The following ZBTB17 variants were observed in gnomAD, a reference collection of about 807,000 sequenced individuals.
The protein encoded by ZBTB17 is zinc finger and BTB domain containing 17.
A neutral mutation model predicts 85.1 loss-of-function variants in ZBTB17; 24 were observed. The observed-to-expected ratio is 0.28, with a 90% confidence interval of 0.20 to 0.40. The LOEUF is 0.40. Ranked by LOEUF, ZBTB17 falls within the 10% of genes least tolerant of loss-of-function variation. The pLI, the probability that ZBTB17 is intolerant of heterozygous loss-of-function variation, is 1.00. For synonymous variants in ZBTB17, 464 were observed against 460.2 expected, an observed-to-expected ratio of 1.01 and a Z score of -0.11; for missense variants, 743 against 1,105.1, an observed-to-expected ratio of 0.67 and a Z score of 4.65.
Position 15,945,036 on chromosome 1 carries a change from C to T in ZBTB17, c.828G>A (p.Ser276=). The change falls in exon 7 of 16, where the codon TCG becomes TCA. Residue 276 remains serine, a synonymous_variant. Coordinates refer to ENST00000375743, the MANE Select transcript of ZBTB17 (RefSeq NM_003443.3). ...NENEESAGTD[S]GQELGSEARG... is the part of the protein sequence containing the mutation. Reference sequence around the variant, plus strand: ...GGGCCTCGGAGCCGAGCTCCTGCCCCGAGTCTGTGCCCGCTGACTCCTCAT... The same window carrying T: ...GGGCCTCGGAGCCGAGCTCCTGCCCTGAGTCTGTGCCCGCTGACTCCTCAT... 3 of 1,608,438 alleles carry T rather than the reference C, an allele frequency of 1.9e-6. No individual in the cohort carries two copies. The highest frequency in any genetic ancestry group is 1.1e-5 in the South Asian group (1 of 89,788).
In ZBTB17 at chr1:15,964,972, G is replaced by A. The variant is rs1160820073; in HGVS notation, c.-3+8067C>T. ...ACTAAAAATAAAAAAAAATTAGCCA[G>A]GCGTGGTGGCACGCATCTGTAATCC... On this transcript the variant is annotated intron_variant, in intron 2 of 15. Transcript: ENST00000375743. This position sits in a 1 kb window ranked among gnomAD's most constrained non-coding sequence, Gnocchi z 4.3. 1.3e-5 allele frequency among the ~76,000 whole-genome samples: 2 copies of A among 151,924 alleles called. No individual in the cohort carries two copies. The highest frequency in any genetic ancestry group is 2.9e-5 in the Non-Finnish European group (2 of 67,960).
rs139177504 is a variant in ZBTB17 at position 15,952,450 on chromosome 1, C to G, written c.-2-3953G>C. Among the ~76,000 whole-genome samples the G allele has an allele frequency of 1.3e-5, 2 of 152,346 alleles. No homozygotes were observed. The highest frequency in any genetic ancestry group is 1.3e-4 in the Admixed American group (2 of 15,302). ...ACGCGGCAGAACCGACACGGCGGAA[C>G]GGACGCGGATGATGCAGAGCCCCTC... On this transcript the variant is annotated intron_variant, in intron 2 of 15. Coordinates refer to ENST00000375743, the MANE Select transcript of ZBTB17 (RefSeq NM_003443.3). The surrounding 1 kb of genome is among the most constrained non-coding windows in gnomAD (Gnocchi z 4.3).
At chr1:15,961,607 C>A (rs893249581) in intron 2 of ZBTB17, among the ~76,000 whole-genome samples, 3 of 152,238 alleles carry the variant, frequency 2.0e-5, no homozygotes, top group Non-Finnish European at 2.9e-5. Flanking sequence ...TTAGGAGAGG[C>A]TCAGGGGCCC....
rs115745460 is a variant in ZBTB17 at position 15,951,153 on chromosome 1, G to A, written c.-2-2656C>T. 2.0e-4 allele frequency among the ~76,000 whole-genome samples: 30 copies of A among 152,314 alleles called. No individual in the cohort carries two copies. Among genetic ancestry groups the A allele is most frequent in the African/African-American group, 7.0e-4 (29 of 41,562 alleles). ...CCAGAAGTGGGCTCCTCCCACACAC[G>A]GGTGTTAGGAGGAGAAACAGAGGCG... On this transcript the variant is annotated intron_variant, in intron 2 of 15. Transcript: ENST00000375743. This position sits in a 1 kb window ranked among gnomAD's most constrained non-coding sequence, Gnocchi z 4.1.
intron 2 of ZBTB17, among the ~76,000 whole-genome samples, chr1:15,956,233 C>CA (rs1328890103): frequency 6.6e-6 from 1 of 152,232 alleles, no homozygotes; most frequent in Non-Finnish European, 1.5e-5. Context: ...TTAAATGACA[C>CA]AGTGTGTCAC....
At position 15,966,066 on chromosome 1, in the gene ZBTB17, A is replaced by G. The variant is rs545841326; in HGVS notation, c.-3+6973T>C. ...ATGGAGTCAACATTTAACAAAAACG[A>G]TTTACAAAATTAAACAAGTTCTTTC... On this transcript the variant is annotated intron_variant, in intron 2 of 15. Transcript: ENST00000375743. This position sits in a 1 kb window ranked among gnomAD's most constrained non-coding sequence, Gnocchi z 4.1. Among the ~76,000 whole-genome samples, 2 of 152,334 alleles carry G rather than the reference A, an allele frequency of 1.3e-5. No homozygotes were observed. Among genetic ancestry groups the G allele is most frequent in the African/African-American group, 4.8e-5 (2 of 41,576 alleles).
intron 13 of ZBTB17, 94 bp from the exon 14 acceptor site, chr1:15,942,832 C>G: frequency 2.7e-6 from 4 of 1,474,122 alleles, no homozygotes; most frequent in Non-Finnish European, 3.7e-6. Flanking sequence ...GCAACCCTGT[C>G]TTTTACAGCA....
chr1:15,974,585 TC>T (rs2072793166), intron 1 of ZBTB17, among the ~76,000 whole-genome samples: 1 of 151,978 alleles, frequency 6.6e-6, no homozygotes, highest in East Asian at 1.9e-4. Context: ...TTTTTTTTTT[TC>T]TTTTTTGAGA....
At position 15,953,067 on chromosome 1, in the gene ZBTB17, T is replaced by C. The variant is rs1570147506; in HGVS notation, c.-2-4570A>G. On this transcript the variant is annotated intron_variant, in intron 2 of 15. Coordinates refer to ENST00000375743, the MANE Select transcript of ZBTB17 (RefSeq NM_003443.3). This position sits in a 1 kb window ranked among gnomAD's most constrained non-coding sequence, Gnocchi z 5.1. ...GAGGGTAAGCAGGGGACTTCTGAGA[T>C]CCTAGAAGAGTTCTCTTTCTTTACT... The C allele has an allele frequency of 6.6e-6, 1 of 152,190 alleles. No homozygotes were observed. Among genetic ancestry groups the C allele is most frequent in the East Asian group, 1.9e-4 (1 of 5,200 alleles). 9.4% of individuals were successfully genotyped at this position (152,190 alleles called of 1,614,324 possible).
intron 2 of ZBTB17, among the ~76,000 whole-genome samples, chr1:15,968,193 T>C (rs940206961): frequency 6.6e-6 from 1 of 152,116 alleles, no homozygotes; most frequent in Non-Finnish European, 1.5e-5. Context: ...ACAGTTAAGG[T>C]CAGAGTTCAC....
intron 4 of ZBTB17, 53 bp from the exon 5 acceptor site, chr1:15,946,347 G>T: frequency 6.3e-7 from 1 of 1,582,814 alleles, no homozygotes. Context: ...CCCGCCATCT[G>T]GAGGTGTGAG....
rs563938533 is a variant in ZBTB17, at chr1:15,951,807, G to C, written c.-2-3310C>G. On this transcript the variant is annotated intron_variant, in intron 2 of 15. Coordinates refer to ENST00000375743, the MANE Select transcript of ZBTB17 (RefSeq NM_003443.3). This position sits in a 1 kb window ranked among gnomAD's most constrained non-coding sequence, Gnocchi z 4.1. ...AGGAAAAGGGTTTGGGAGCGAAGGG[G>C]TGTGCAGGTCCTAGGAACATATCCC... Among the ~76,000 whole-genome samples the C allele has an allele frequency of 2.0e-5, 3 of 152,130 alleles. No homozygotes were observed. Among genetic ancestry groups the C allele is most frequent in the Non-Finnish European group, 2.9e-5 (2 of 68,012 alleles).
At position 15,963,262 on chromosome 1, in the gene ZBTB17, G is replaced by A. The variant is rs575690519; in HGVS notation, c.-3+9777C>T. Among the ~76,000 whole-genome samples the A allele has an allele frequency of 1.8e-4, 27 of 152,180 alleles. No homozygotes were observed. The South Asian group carries it at 4.8e-3, about 27-fold the overall frequency. On this transcript the variant is annotated intron_variant, in intron 2 of 15. Transcript: ENST00000375743. Reference sequence around the variant, plus strand: ...AGGTGCCCTGGCCAATTCTCCCACCGCAAACAGCCACAAATGCTGACTAAA... The same window carrying A: ...AGGTGCCCTGGCCAATTCTCCCACCACAAACAGCCACAAATGCTGACTAAA...
Position 15,966,635 on chromosome 1 carries a change from T to G in ZBTB17, c.-3+6404A>C, listed in dbSNP as rs529040806. On this transcript the variant is annotated intron_variant, in intron 2 of 15. Coordinates refer to ENST00000375743, the MANE Select transcript of ZBTB17 (RefSeq NM_003443.3). This position sits in a 1 kb window ranked among gnomAD's most constrained non-coding sequence, Gnocchi z 4.1. ...CCCAGTTTTCTACACGTATCTGTGC[T>G]GACTGCATTACTGAGGTCAACCTTA... Among the ~76,000 whole-genome samples the G allele has an allele frequency of 4.3e-4, 66 of 152,354 alleles. 1 individual carries two copies. In the South Asian group the frequency reaches 5.8e-3, roughly 13 times the overall value.
chr1:15,944,881 T>G (rs963535697), intron 7 of ZBTB17, 42 bp from the exon 8 acceptor site: 2 of 1,566,934 alleles, frequency 1.3e-6, no homozygotes, highest in Non-Finnish European at 1.7e-6. Context: ...GAGCAGCCGG[T>G]GGGAGGCCGG....
intron 4 of ZBTB17, 114 bp from the exon 5 acceptor site, chr1:15,946,408 G>A: frequency 3.4e-6 from 5 of 1,468,376 alleles, no homozygotes; most frequent in Non-Finnish European, 4.6e-6. Context: ...GTACCTCTAA[G>A]TAGTGGTTTG....
At chr1:15,958,544 G>A (rs1291775277) in intron 2 of ZBTB17, among the ~76,000 whole-genome samples, 1 of 152,188 alleles carries the variant, frequency 6.6e-6, no homozygotes, top group Non-Finnish European at 1.5e-5. Context: ...GAGGGATTCG[G>A]GGGTCCAATC....
chr1:15,973,294 A>C lies in ZBTB17; in HGVS notation c.-89-169T>G, dbSNP rs920409020. On this transcript the variant is annotated intron_variant, in intron 1 of 15. Transcript: ENST00000375743. This position sits in a 1 kb window ranked among gnomAD's most constrained non-coding sequence, Gnocchi z 4.1. ...AATGGCCTGCTCTGTGCCAGATAGCATGCTGACACTGGGACACAAAGATGC... is the reference window on the plus strand; with the variant it reads ...AATGGCCTGCTCTGTGCCAGATAGCCTGCTGACACTGGGACACAAAGATGC... 6.6e-6 allele frequency among the ~76,000 whole-genome samples: 1 copy of C among 152,058 alleles called. No individual in the cohort carries two copies. The highest frequency in any genetic ancestry group is 1.5e-5 in the Non-Finnish European group (1 of 68,002).
rs1465821431 is a variant in ZBTB17, at chr1:15,942,205, A to G, written c.2176T>C (p.Phe726Leu). ...LYACDSCGDK[F>L]LDANSLAQHV... ...TGAGCCAGGCTGTTGGCATCCAGAAACTTGTCCCCACAGGAGTCACAGGCG... is the reference window on the plus strand; with the variant it reads ...TGAGCCAGGCTGTTGGCATCCAGAAGCTTGTCCCCACAGGAGTCACAGGCG... The change falls in exon 16 of 16, where the codon TTT becomes CTT. Residue 726 changes from phenylalanine (F) to leucine (L), a missense_variant. This residue lies in a region of ZBTB17 where 321 missense variants were observed against 615.7 expected (regional missense o/e 0.52). Coordinates refer to ENST00000375743, the MANE Select transcript of ZBTB17 (RefSeq NM_003443.3). 2 of 1,613,714 alleles carry G rather than the reference A, an allele frequency of 1.2e-6. No individual in the cohort carries two copies. Among genetic ancestry groups the G allele is most frequent in the Admixed American group, 1.7e-5 (1 of 60,014 alleles).
Sources: allele counts gnomAD v4.1 joint callset (sites outside exome capture counted in the v4.1 genomes callset), GRCh38; gene constraint gnomAD v4.1.1; regional missense constraint gnomAD v4.1.1; non-coding constraint Gnocchi (gnomAD v3.1); transcripts MANE v1.5; gene names NCBI Gene and HGNC (gene_info 2026-07-23, HGNC 2026-07-21).